Variants in ADARB2 observed in about 807,000 individuals in gnomAD.
ADARB2 encodes the protein adenosine deaminase RNA specific B2 (inactive), also known as inactive double-stranded RNA-specific editase B2.
A neutral mutation model predicts 62.2 loss-of-function variants in ADARB2; 25 were observed. That is an observed-to-expected ratio of 0.40 (90% CI 0.29 to 0.56). The LOEUF is 0.56. Ranked by LOEUF, ADARB2 falls within the 20% of genes least tolerant of loss-of-function variation. The pLI is 0.43. For synonymous variants in ADARB2, 572 were observed against 500.8 expected (o/e 1.14, Z -1.90); for missense variants, 1,071 against 1,077.4 (o/e 0.99, Z 0.08).
At chr10:1,243,684 A>G (rs1453487303) in intron 4 of ADARB2, among the ~76,000 whole-genome samples, 1 of 152,182 alleles carries the variant, frequency 6.6e-6, no homozygotes, top group Non-Finnish European at 1.5e-5. Context: ...TGGGGAAGTA[A>G]CCTGCAGAGG....
chr10:1,206,702 G>T (rs1276126962), intron 7 of ADARB2, among the ~76,000 whole-genome samples: 1 of 152,150 alleles, frequency 6.6e-6, no homozygotes, highest in Non-Finnish European at 1.5e-5. Context: ...CTGCGCCTCC[G>T]TCTCTGCGTC....
intron 3 of ADARB2, among the ~76,000 whole-genome samples, chr10:1,272,642 T>C (rs1257990358): frequency 1.3e-5 from 2 of 152,164 alleles, no homozygotes; most frequent in East Asian, 1.9e-4. Context: ...ATAGGACAGA[T>C]TGCAGATGAA....
intron 1 of ADARB2, among the ~76,000 whole-genome samples, chr10:1,424,956 A>G (rs1832882592): frequency 6.6e-6 from 1 of 152,168 alleles, no homozygotes; most frequent in Non-Finnish European, 1.5e-5. Flanking sequence ...TGAAATTTCA[A>G]CCTAAGGTCT....
In ADARB2 at chr10:1,200,096, G is replaced by T. The variant is rs766559928; in HGVS notation, c.1734C>A (p.Pro578=). The T allele has an allele frequency of 1.9e-6, 3 of 1,564,936 alleles. 1 individual carries two copies. In the South Asian group the frequency reaches 3.5e-5, roughly 18 times the overall value. The change falls in exon 8 of 10, where the codon CCC becomes CCA. Residue 578 remains proline (P), a synonymous_variant. Coordinates refer to ENST00000381312, the MANE Select transcript of ADARB2 (RefSeq NM_018702.4). ...QGALLSHFVE[P]VYLQSIVVGS... ...CCACCACGATGCTCTGCAGGTACAC[G>T]GGCTCCACGAAGTGGGACAGGAGCG...
At chr10:1,400,506 G>A (rs535128959) in intron 1 of ADARB2, among the ~76,000 whole-genome samples, 1 of 152,236 alleles carries the variant, frequency 6.6e-6, no homozygotes, top group Admixed American at 6.5e-5. Flanking sequence ...TAGATGCCCT[G>A]AAAATCAATC....
At position 1,419,196 on chromosome 10, in the gene ADARB2, T is replaced by C. The variant is rs560677282; in HGVS notation, c.101-40036A>G. Among the ~76,000 whole-genome samples, 3 of 152,214 alleles carry C rather than the reference T, an allele frequency of 2.0e-5. No individual in the cohort carries two copies. The South Asian group carries it at 6.2e-4, about 32-fold the overall frequency. Reference sequence around the variant, plus strand: ...GCAACCTCCACCTCCCAGGTTCAAGTGATTCTCCTGCCTCAGCCTCCCAAG... The same window carrying C: ...GCAACCTCCACCTCCCAGGTTCAAGCGATTCTCCTGCCTCAGCCTCCCAAG... On this transcript the variant is annotated intron_variant, in intron 1 of 9. Transcript: ENST00000381312.
At chr10:1,718,738 TTG>T (rs144582547) in intron 1 of ADARB2, among the ~76,000 whole-genome samples, 1,679 of 152,110 alleles carry the variant, frequency 0.011, 27 homozygotes, top group African/African-American at 0.038. Context: ...GGCCCCCAGG[TTG>T]TGTTTCTGAC....
At chr10:1,252,758 G>A (rs1465454989) in intron 4 of ADARB2, among the ~76,000 whole-genome samples, 1 of 152,008 alleles carries the variant, frequency 6.6e-6, no homozygotes, top group Non-Finnish European at 1.5e-5. Context: ...CTGGCTTGGG[G>A]ACATCTTGTC....
At chr10:1,597,624 G>T (rs78667574) in intron 1 of ADARB2, among the ~76,000 whole-genome samples, 1 of 152,230 alleles carries the variant, frequency 6.6e-6, no homozygotes, top group Non-Finnish European at 1.5e-5. Flanking sequence ...ATGAACAACA[G>T]ATGCTGGTGA....
At position 1,321,224 on chromosome 10, in the gene ADARB2, T is replaced by C. The variant is rs1347139637; in HGVS notation, c.1077+41804A>G. Among the ~76,000 whole-genome samples, 5 of 152,238 alleles carry C rather than the reference T, an allele frequency of 3.3e-5. No homozygotes were observed. In the East Asian group the frequency reaches 9.6e-4, roughly 29 times the overall value. On this transcript the variant is annotated intron_variant, in intron 3 of 9. Coordinates refer to ENST00000381312, the MANE Select transcript of ADARB2 (RefSeq NM_018702.4). ...ACTTTGCAGAAGCACTGTCCAAATC[T>C]TGCCTCATGGAAATCACCTCTTCTC...
At chr10:1,480,316 A>G (rs1354551936) in intron 1 of ADARB2, among the ~76,000 whole-genome samples, 1 of 152,274 alleles carries the variant, frequency 6.6e-6, no homozygotes, top group Admixed American at 6.5e-5. Flanking sequence ...CTAATAAATG[A>G]ATTCAACAAA....
At chr10:1,540,276 C>T (rs770356574) in intron 1 of ADARB2, among the ~76,000 whole-genome samples, 1 of 152,046 alleles carries the variant, frequency 6.6e-6, no homozygotes, top group African/African-American at 2.4e-5. Flanking sequence ...AAGAGTTTCT[C>T]GGTGGCCAAC....
At chr10:1,633,884 A>T (rs1833881201) in intron 1 of ADARB2, among the ~76,000 whole-genome samples, 1 of 152,044 alleles carries the variant, frequency 6.6e-6, no homozygotes, top group Non-Finnish European at 1.5e-5. Flanking sequence ...AGCCCGAGGG[A>T]GTGTCCTGTG....
At chr10:1,244,370 A>C (rs2131778659) in intron 4 of ADARB2, among the ~76,000 whole-genome samples, 1 of 152,376 alleles carries the variant, frequency 6.6e-6, no homozygotes, top group African/African-American at 2.4e-5. Flanking sequence ...GTGCGCATGC[A>C]GTCTCTGGTG....
chr10:1,638,956 A>G (rs190297495), intron 1 of ADARB2, among the ~76,000 whole-genome samples: 1 of 152,300 alleles, frequency 6.6e-6, no homozygotes. Flanking sequence ...CCTTGCCTGC[A>G]CTCACACGGA....
intron 1 of ADARB2, among the ~76,000 whole-genome samples, chr10:1,404,284 G>C (rs987640774): frequency 6.6e-6 from 1 of 152,226 alleles, no homozygotes; most frequent in Non-Finnish European, 1.5e-5. Context: ...AACGGCTCAC[G>C]GGGGACCTCG....
intron 1 of ADARB2, among the ~76,000 whole-genome samples, chr10:1,699,297 C>G (rs1834792698): frequency 2.8e-5 from 1 of 35,624 alleles, no homozygotes; most frequent in Admixed American, 3.0e-4. Flanking sequence ...CGCAATCCCA[C>G]TCCACCGGGA....
intron 1 of ADARB2, among the ~76,000 whole-genome samples, chr10:1,652,015 C>G (rs548544145): frequency 6.6e-6 from 1 of 152,364 alleles, no homozygotes; most frequent in East Asian, 1.9e-4. Flanking sequence ...TCCATCAACC[C>G]TGCTGAGATC....
At chr10:1,316,128 T>A (rs1831737095) in intron 3 of ADARB2, among the ~76,000 whole-genome samples, 1 of 152,278 alleles carries the variant, frequency 6.6e-6, no homozygotes, top group African/African-American at 2.4e-5. Flanking sequence ...GTGTGAACTT[T>A]GCAGTTCTTA....
Sources: gnomAD v4.1 joint callset for allele counts (sites outside exome capture counted in the v4.1 genomes callset) on GRCh38, gnomAD v4.1.1 for gene constraint, MANE v1.5 for transcripts, NCBI Gene and HGNC (gene_info 2026-07-23, HGNC 2026-07-21) for gene names.